ZBTB8A: variants seen among roughly 807,000 people sequenced by gnomAD.
ZBTB8A encodes zinc finger and BTB domain containing 8A.
A neutral mutation model predicts 37.8 loss-of-function variants in ZBTB8A; 19 were observed. The observed-to-expected ratio is 0.50, with a 90% CI of 0.35 to 0.74. The LOEUF is 0.74. Ranked by LOEUF, ZBTB8A falls within the 30% of genes least tolerant of loss-of-function variation. The probability of loss-of-function intolerance (pLI) is 0.01; values close to 1 mark genes in which losing one functional copy is unlikely to be tolerated. For missense variants in ZBTB8A, 394 were observed against 537.8 expected (o/e 0.73, Z 2.65); for synonymous variants, 181 against 185.2 (o/e 0.98, Z 0.19).
chr1:32,543,697 G>A (rs372846120), intron 1 of ZBTB8A, among the ~76,000 whole-genome samples: 1 of 151,808 alleles, frequency 6.6e-6, no homozygotes, highest in Non-Finnish European at 1.5e-5. Flanking sequence ...TTGTTTTTTA[G>A]ACAAAGTCTC....
rs993099451 is a variant in ZBTB8A, at chr1:32,601,808, T to A, written c.*1389T>A. ...AGAAAGTATGAAAGGAGGAATTGAATCATTTTCAACAACATACAATATCTT... is the reference window on the plus strand; with the variant it reads ...AGAAAGTATGAAAGGAGGAATTGAAACATTTTCAACAACATACAATATCTT... On this transcript the variant is annotated 3_prime_UTR_variant, in exon 5 of 5. Transcript: ENST00000373510. The A allele has an allele frequency of 1.0e-5, 4 of 397,108 alleles. No individual in the cohort carries two copies. The highest frequency in any genetic ancestry group is 8.2e-5 in the African/African-American group (4 of 48,616). The allele number at this position is 397,108 out of a possible 1,614,324, so 24.6% of individuals were successfully genotyped here. A position where few individuals can be genotyped will look rare whatever the true frequency, so the allele number is the denominator to read the frequency against.
chr1:32,599,733 A>G (rs772688069), intron 4 of ZBTB8A, among the ~76,000 whole-genome samples: 2 of 151,900 alleles, frequency 1.3e-5, no homozygotes, highest in Non-Finnish European at 2.9e-5. Flanking sequence ...AAATAAATAA[A>G]TAAATAAATA....
At chr1:32,539,695 G>A (rs1421383447) in intron 1 of ZBTB8A, 123 bp downstream of exon 1, 2 of 796 alleles carry the variant, frequency 2.5e-3, no homozygotes, top group Non-Finnish European at 7.3e-3. Context: ...TGCGGGCCCC[G>A]GGCGCGCCTC....
intron 2 of ZBTB8A, among the ~76,000 whole-genome samples, chr1:32,559,809 G>A (rs1644230029): frequency 1.3e-5 from 2 of 152,112 alleles, no homozygotes; most frequent in Admixed American, 1.3e-4. Flanking sequence ...AGGTGATTGG[G>A]TTATGAAGGA....
intron 2 of ZBTB8A, among the ~76,000 whole-genome samples, chr1:32,555,079 GT>G (rs997675008): frequency 6.6e-6 from 1 of 152,098 alleles, no homozygotes; most frequent in Non-Finnish European, 1.5e-5. Context: ...GCCCTTTTCT[GT>G]AAAATGGGGA....
Position 32,542,426 on chromosome 1 carries a change from A to C in ZBTB8A, c.-84+2854A>C, listed in dbSNP as rs76657999. Among the ~76,000 whole-genome samples the C allele has an allele frequency of 7.0e-3, 1,064 of 152,170 alleles. 14 individuals are homozygous for C. The highest frequency in any genetic ancestry group is 0.024 in the African/African-American group (1,006 of 41,486). On this transcript the variant is annotated intron_variant, in intron 1 of 4. Transcript: ENST00000373510. ...CCATCTTCTTTACTAAAAATACAAA[A>C]ATTAGCACACAGTGGCAGGCACCTG...
intron 2 of ZBTB8A, among the ~76,000 whole-genome samples, chr1:32,577,498 A>G (rs1644371735): frequency 7.0e-6 from 1 of 142,130 alleles, no homozygotes; most frequent in South Asian, 2.2e-4. Context: ...TTTCCACTTC[A>G]TGTCTTCAAA....
At chr1:32,578,231 A>ATTT (rs561875455) in intron 2 of ZBTB8A, among the ~76,000 whole-genome samples, 68 of 135,084 alleles carry the variant, frequency 5.0e-4, no homozygotes, top group Middle Eastern at 4.2e-3. Context: ...CTCCTGGCTA[A>ATTT]TTTTTTTTTT....
chr1:32,541,354 G>A (rs549281870), intron 1 of ZBTB8A, among the ~76,000 whole-genome samples: 1 of 152,044 alleles, frequency 6.6e-6, no homozygotes, highest in African/African-American at 2.4e-5. Flanking sequence ...CTCCTTGCCT[G>A]CTCACCTCAG....
At chr1:32,540,830 C>T (rs777014427) in intron 1 of ZBTB8A, among the ~76,000 whole-genome samples, 1 of 152,184 alleles carries the variant, frequency 6.6e-6, no homozygotes, top group African/African-American at 2.4e-5. Flanking sequence ...TCTGGCCACA[C>T]AAGTGGCAAC....
intron 2 of ZBTB8A, among the ~76,000 whole-genome samples, chr1:32,590,492 G>A (rs573891075): frequency 6.6e-6 from 1 of 152,274 alleles, no homozygotes; most frequent in Admixed American, 6.5e-5. Context: ...TCAGAGTTTG[G>A]TACTGGTAAG....
intron 2 of ZBTB8A, among the ~76,000 whole-genome samples, chr1:32,575,292 T>C (rs1388790083): frequency 1.4e-5 from 2 of 143,056 alleles, no homozygotes; most frequent in Non-Finnish European, 3.0e-5. Context: ...AGTGGCACAA[T>C]GTCAGCTCAC....
intron 1 of ZBTB8A, among the ~76,000 whole-genome samples, chr1:32,551,167 C>A (rs1171517198): frequency 3.3e-5 from 5 of 152,124 alleles, no homozygotes; most frequent in Admixed American, 1.3e-4. Context: ...AATTTTGGGC[C>A]AGGCACAGTG....
At chr1:32,600,058 C>CT in intron 4 of ZBTB8A, 29 bp from the exon 5 acceptor site, 1 of 1,571,172 alleles carries the variant, frequency 6.4e-7, no homozygotes, top group Non-Finnish European at 8.7e-7. Context: ...TGAAAAATCA[C>CT]TTTTATCACT....
chr1:32,542,547 C>T (rs1431845101), intron 1 of ZBTB8A, among the ~76,000 whole-genome samples: 1 of 152,190 alleles, frequency 6.6e-6, no homozygotes, highest in Non-Finnish European at 1.5e-5. Context: ...GCACTCTAGC[C>T]TGGGCGACAG....
rs1018221585 is a variant in ZBTB8A at position 32,604,554 on chromosome 1, C to T, written c.*4135C>T. ...AATCACATCCTTAGCACATGATGTT[C>T]CTTCTATGGGTATCAGATCTTAAGA... is the stretch of plus-strand genomic sequence containing the variant. On this transcript the variant is annotated 3_prime_UTR_variant, in exon 5 of 5. Transcript: ENST00000373510. 2.0e-5 allele frequency: 3 copies of T among 152,104 alleles called. No homozygotes were observed. The highest frequency in any genetic ancestry group is 4.4e-5 in the Non-Finnish European group (3 of 68,026). 9.4% of individuals were successfully genotyped at this position (152,104 alleles called of 1,614,324 possible).
intron 4 of ZBTB8A, among the ~76,000 whole-genome samples, chr1:32,596,369 C>CAAAA (rs760050080): frequency 9.6e-6 from 1 of 103,760 alleles, no homozygotes; most frequent in African/African-American, 3.6e-5. Context: ...GACTCCATCT[C>CAAAA]AAAAAAAAAA....
At chr1:32,547,083 T>C (rs1216578333) in intron 1 of ZBTB8A, among the ~76,000 whole-genome samples, 2 of 152,176 alleles carry the variant, frequency 1.3e-5, no homozygotes, top group East Asian at 1.9e-4. Flanking sequence ...TTTTAATTAT[T>C]TGTAGAGATG....
At chr1:32,598,223 ATTTTTTTTTTTTTT>A (rs762801492) in intron 4 of ZBTB8A, among the ~76,000 whole-genome samples, 13 of 86,022 alleles carry the variant, frequency 1.5e-4, no homozygotes, top group Non-Finnish European at 1.3e-4. Flanking sequence ...GCTTTCTTGG[ATTTTTTTTTTTTTT>A]TTTTTTTTTT....
Sources: gnomAD v4.1 joint callset for allele counts (sites outside exome capture counted in the v4.1 genomes callset) on GRCh38, gnomAD v4.1.1 for gene constraint, MANE v1.5 for transcripts, NCBI Gene and HGNC (gene_info 2026-07-23, HGNC 2026-07-21) for gene names.